Variants in TDRD7 observed in about 807,000 individuals in gnomAD.
TDRD7 encodes tudor domain containing 7, also known as tudor domain-containing protein 7.
TDRD7 carries 47 observed loss-of-function variants against 109.8 expected under a neutral mutation model. That is an observed-to-expected ratio of 0.43 (90% CI 0.34 to 0.55). The LOEUF (loss-of-function observed/expected upper bound fraction) is 0.55. Among genes scored for constraint, TDRD7 ranks in the 20% least tolerant of loss-of-function variants. The pLI is 0.03. For synonymous variants in TDRD7, 424 were observed against 457.3 expected (o/e 0.93, Z 0.93); for missense variants, 1,164 against 1,319.2 (o/e 0.88, Z 1.82).
In TDRD7 at chr9:97,412,156, G is replaced by GGCC. The variant is rs1440485589; in HGVS notation, c.-86_-84dup. 1 of 154,234 alleles carries GGCC rather than the reference G, an allele frequency of 6.5e-6. No homozygotes were observed. Among genetic ancestry groups the GGCC allele is most frequent in the Non-Finnish European group, 1.4e-5 (1 of 69,598 alleles). The allele number at this position is 154,234 out of a possible 1,614,324, so 9.6% of individuals were successfully genotyped here. Reference sequence around the variant, plus strand: ...TGCGGGGAAACCGAAAGTGGGCGGCGGCCGCGGCGGGGCCCCTGGCGGAGA... The same window carrying GGCC: ...TGCGGGGAAACCGAAAGTGGGCGGCGGCCGCCGCGGCGGGGCCCCTGGCGGAGA... On this transcript the variant is annotated 5_prime_UTR_variant, in exon 1 of 17. Transcript: ENST00000355295. The surrounding 1 kb of genome is among the most constrained non-coding windows in gnomAD (Gnocchi z 4.3).
chr9:97,455,580 A>G (rs571019773), intron 6 of TDRD7, among the ~76,000 whole-genome samples: 2 of 152,368 alleles, frequency 1.3e-5, no homozygotes, highest in South Asian at 2.1e-4. Flanking sequence ...AAACCACATG[A>G]TTATCTCAAT....
At chr9:97,433,950 C>T (rs376370457) in intron 4 of TDRD7, among the ~76,000 whole-genome samples, 5 of 152,068 alleles carry the variant, frequency 3.3e-5, no homozygotes, top group African/African-American at 1.2e-4. Context: ...TTATGGAAAA[C>T]GGTATGGAGA....
intron 4 of TDRD7, among the ~76,000 whole-genome samples, chr9:97,433,406 A>G (rs1365967371): frequency 1.3e-5 from 2 of 152,070 alleles, no homozygotes; most frequent in Non-Finnish European, 2.9e-5. Context: ...TGAATCCAGT[A>G]TGTGACAGAG....
intron 2 of TDRD7, 62 bp downstream of exon 2, chr9:97,428,734 T>G (rs1828049870): frequency 2.0e-6 from 3 of 1,474,956 alleles, no homozygotes; most frequent in Non-Finnish European, 2.8e-6. Flanking sequence ...TCTCTGGCAC[T>G]TCCAATCTCC....
rs549215174 is a variant in TDRD7 at position 97,412,648 on chromosome 9, A to C, written c.-7+410A>C. On this transcript the variant is annotated intron_variant, in intron 1 of 16. Coordinates refer to ENST00000355295, the MANE Select transcript of TDRD7 (RefSeq NM_014290.3). This position sits in a 1 kb window ranked among gnomAD's most constrained non-coding sequence, Gnocchi z 4.3. ...GCGACAGGCCGCAGCCGCCGCCCCC[A>C]GCGAGGGATGTCCGCGCTCCCCTAT... 3.6e-4 allele frequency among the ~76,000 whole-genome samples: 55 copies of C among 152,326 alleles called. 2 individuals carry two copies. The South Asian group carries it at 0.011, about 31-fold the overall frequency.
At chr9:97,430,794 A>G in intron 2 of TDRD7, 139 bp from the exon 3 acceptor site, 1 of 982,838 alleles carries the variant, frequency 1.0e-6, no homozygotes, top group South Asian at 1.3e-5. Flanking sequence ...AGCATTATCA[A>G]GGAGCGAGAC....
intron 8 of TDRD7, among the ~76,000 whole-genome samples, chr9:97,469,306 TGCAGCCCTACCA>T (rs1253903595): frequency 6.6e-6 from 1 of 152,212 alleles, no homozygotes; most frequent in African/African-American, 2.4e-5. Context: ...CTGCCTGACA[TGCAGCCCTACCA>T]GCGATCTAGG....
chr9:97,433,009 A>T (rs545943500), intron 4 of TDRD7, among the ~76,000 whole-genome samples: 1 of 152,306 alleles, frequency 6.6e-6, no homozygotes, highest in East Asian at 1.9e-4. Flanking sequence ...CAAAGCCAAA[A>T]ATCCACTGGT....
chr9:97,447,548 G>C (rs1828423130), intron 6 of TDRD7, among the ~76,000 whole-genome samples: 1 of 152,116 alleles, frequency 6.6e-6, no homozygotes, highest in South Asian at 2.1e-4. Context: ...ACAAACAGAG[G>C]AAAAGCTAAA....
intron 2 of TDRD7, among the ~76,000 whole-genome samples, chr9:97,430,206 A>AT (rs1828076900): frequency 6.6e-6 from 1 of 151,962 alleles, no homozygotes; most frequent in South Asian, 2.1e-4. Context: ...TATCATACCA[A>AT]TTTTTTCTTT....
chr9:97,434,503 A>G (rs1387931737), intron 4 of TDRD7, among the ~76,000 whole-genome samples: 3 of 152,302 alleles, frequency 2.0e-5, no homozygotes, highest in African/African-American at 7.2e-5. Flanking sequence ...TCTTACCACA[A>G]AAAATAAGCA....
intron 6 of TDRD7, among the ~76,000 whole-genome samples, chr9:97,453,572 G>A (rs1475796707): frequency 6.6e-6 from 1 of 152,058 alleles, no homozygotes; most frequent in African/African-American, 2.4e-5. Flanking sequence ...AGCCACATGG[G>A]GAAGGGGAAC....
Position 97,463,657 on chromosome 9 carries a change from C to T in TDRD7, c.1443-1185C>T, listed in dbSNP as rs1388228428. ...CCTATGGCTGGGACAGCTTCTCTTA[C>T]ATGACCCAAACTTGATATGCCAGGT... On this transcript the variant is annotated intron_variant, in intron 7 of 16. Coordinates refer to ENST00000355295, the MANE Select transcript of TDRD7 (RefSeq NM_014290.3). 3.3e-5 allele frequency among the ~76,000 whole-genome samples: 5 copies of T among 152,306 alleles called. No individual in the cohort carries two copies. The East Asian group carries it at 7.7e-4, about 24-fold the overall frequency.
At chr9:97,461,221 G>T (rs1010021098) in intron 7 of TDRD7, among the ~76,000 whole-genome samples, 3 of 151,484 alleles carry the variant, frequency 2.0e-5, no homozygotes, top group African/African-American at 7.3e-5. Context: ...TTTGTTAATT[G>T]TTCAAAATAT....
Position 97,465,202 on chromosome 9 carries a change from A to C in TDRD7, c.1629+174A>C, listed in dbSNP as rs571739419. On this transcript the variant is annotated intron_variant, in intron 8 of 16. Coordinates refer to ENST00000355295, the MANE Select transcript of TDRD7 (RefSeq NM_014290.3). ...AAAAGGTTATCCCTGTCAGCCTTTA[A>C]ATTCGTGGTAGTTATTATTATCTCA... Among the ~76,000 whole-genome samples, 9 of 152,320 alleles carry C rather than the reference A, an allele frequency of 5.9e-5. No homozygotes were observed. In the East Asian group the frequency reaches 1.5e-3, roughly 26 times the overall value.
At chr9:97,431,122 A>G (rs1424912108) in intron 3 of TDRD7, 48 bp downstream of exon 3, 1 of 1,608,028 alleles carries the variant, frequency 6.2e-7, no homozygotes, top group South Asian at 1.1e-5. Flanking sequence ...CTACGAATAC[A>G]TTATCATAGG....
chr9:97,421,280 TA>T (rs1187011771), intron 1 of TDRD7, among the ~76,000 whole-genome samples: 2 of 152,248 alleles, frequency 1.3e-5, no homozygotes, highest in Non-Finnish European at 2.9e-5. Flanking sequence ...GCTGCTCTAA[TA>T]GATGTGTAGT....
chr9:97,413,461 C>T (rs1827757985), intron 1 of TDRD7, among the ~76,000 whole-genome samples: 1 of 152,180 alleles, frequency 6.6e-6, no homozygotes, highest in Admixed American at 6.5e-5. Flanking sequence ...TCCTTTGCCT[C>T]ATAATAATTG....
At chr9:97,481,521 A>C (rs1403620633) in intron 14 of TDRD7, among the ~76,000 whole-genome samples, 1 of 152,224 alleles carries the variant, frequency 6.6e-6, no homozygotes, top group Non-Finnish European at 1.5e-5. Context: ...CTGTTAACTG[A>C]TGGAAATTGT....
Sources: allele counts gnomAD v4.1 joint callset (sites outside exome capture counted in the v4.1 genomes callset), GRCh38; gene constraint gnomAD v4.1.1; non-coding constraint Gnocchi (gnomAD v3.1); transcripts MANE v1.5; gene names NCBI Gene and HGNC (gene_info 2026-07-23, HGNC 2026-07-21).